Variants in PRKG1 observed in about 807,000 individuals in gnomAD.
The protein encoded by PRKG1 is protein kinase cGMP-dependent 1.
PRKG1 carries 35 observed loss-of-function variants against 88.1 expected under a neutral mutation model. The ratio of observed to expected loss-of-function variants is 0.40; its 90% CI spans 0.30 to 0.53. PRKG1 has a LOEUF of 0.53. Among genes scored for constraint, PRKG1 ranks in the 20% least tolerant of loss-of-function variants. PRKG1 has a pLI of 0.59. For missense variants in PRKG1, 540 were observed against 839.8 expected (o/e 0.64, Z 4.41); for synonymous variants, 303 against 292.5 (o/e 1.04, Z -0.37).
chr10:51,699,889 A>C (rs1422318864), intron 3 of PRKG1, among the ~76,000 whole-genome samples: 1 of 152,164 alleles, frequency 6.6e-6, no homozygotes, highest in Non-Finnish European at 1.5e-5. Flanking sequence ...CATAGACTTC[A>C]CCGTAGTAAC....
chr10:51,791,180 T>C lies in PRKG1; in HGVS notation c.593-13405T>C, dbSNP rs557557822. On this transcript the variant is annotated intron_variant, in intron 3 of 17. Coordinates refer to ENST00000373980, the MANE Select transcript of PRKG1 (RefSeq NM_006258.4). The stretch of plus-strand genomic sequence containing the variant: ...GTTAGCTTAAGATGGAAAAATAAAA[T>C]AAAGAAAAATATGAGTGTATAAATA... 2.8e-3 allele frequency among the ~76,000 whole-genome samples: 432 copies of C among 152,080 alleles called. 3 individuals carry two copies. Among genetic ancestry groups the C allele is most frequent in the South Asian group, 7.9e-3 (38 of 4,818 alleles).
At chr10:51,691,351 A>T in intron 3 of PRKG1, among the ~76,000 whole-genome samples, 1 of 143,970 alleles carries the variant, frequency 6.9e-6, no homozygotes, top group African/African-American at 2.6e-5. Context: ...TCTGTCACCC[A>T]GGCTGGAGTG....
At chr10:51,417,528 C>A (rs1838274898) in intron 2 of PRKG1, among the ~76,000 whole-genome samples, 1 of 152,136 alleles carries the variant, frequency 6.6e-6, no homozygotes, top group Non-Finnish European at 1.5e-5. Flanking sequence ...ATAAAATTCA[C>A]CACTTCTGTG....
chr10:51,588,619 G>A (rs974220574), intron 3 of PRKG1, among the ~76,000 whole-genome samples: 2 of 152,102 alleles, frequency 1.3e-5, no homozygotes, highest in Admixed American at 1.3e-4. Flanking sequence ...TTCTTCTTGG[G>A]AAAAAACAAA....
intron 9 of PRKG1, among the ~76,000 whole-genome samples, chr10:52,245,396 G>T (rs972265802): frequency 6.6e-6 from 1 of 152,036 alleles, no homozygotes; most frequent in African/African-American, 2.4e-5. Flanking sequence ...TCCCAGAAAG[G>T]CTAAGACATT....
chr10:52,279,846 A>G (rs139675138), intron 12 of PRKG1, among the ~76,000 whole-genome samples: 1 of 152,122 alleles, frequency 6.6e-6, no homozygotes, highest in East Asian at 1.9e-4. Flanking sequence ...AAATTATTAA[A>G]TTGTGCTTAC....
chr10:51,534,935 C>A (rs1842109543), intron 3 of PRKG1, among the ~76,000 whole-genome samples: 2 of 152,018 alleles, frequency 1.3e-5, no homozygotes, highest in South Asian at 4.2e-4. Flanking sequence ...CTCTGTAAAT[C>A]AATATCATGC....
chr10:51,993,598 C>T (rs184465066), intron 5 of PRKG1, among the ~76,000 whole-genome samples: 1 of 152,304 alleles, frequency 6.6e-6, no homozygotes, highest in East Asian at 1.9e-4. Context: ...TTCTGGCTCT[C>T]ACTGGGTCAT....
At chr10:52,053,299 T>C (rs1846034602) in intron 5 of PRKG1, among the ~76,000 whole-genome samples, 1 of 152,076 alleles carries the variant, frequency 6.6e-6, no homozygotes, top group African/African-American at 2.4e-5. Context: ...GCAAATTAGG[T>C]AGTATGTTAA....
intron 5 of PRKG1, among the ~76,000 whole-genome samples, chr10:52,010,768 A>G (rs1291141607): frequency 6.6e-6 from 1 of 152,178 alleles, no homozygotes; most frequent in Non-Finnish European, 1.5e-5. Context: ...ATGGCCTCCC[A>G]TTATCTGTTA....
chr10:51,560,569 CCA>C (rs1485952336), intron 3 of PRKG1, among the ~76,000 whole-genome samples: 1 of 151,848 alleles, frequency 6.6e-6, no homozygotes, highest in African/African-American at 2.4e-5. Context: ...TGCCCCATGC[CCA>C]GTTTTCCCTA....
intron 3 of PRKG1, among the ~76,000 whole-genome samples, chr10:51,730,276 G>A (rs182305908): frequency 7.1e-4 from 108 of 152,300 alleles, no homozygotes; most frequent in African/African-American, 2.5e-3. Flanking sequence ...TCAAGCCTTT[G>A]CATTGCTTTG....
intron 1 of PRKG1, among the ~76,000 whole-genome samples, chr10:51,059,758 C>T (rs915378080): frequency 3.9e-5 from 6 of 151,910 alleles, no homozygotes; most frequent in Admixed American, 3.9e-4. Flanking sequence ...AATAAATATC[C>T]CTATGCACTA....
At chr10:51,485,309 C>T (rs1390493245) in intron 3 of PRKG1, among the ~76,000 whole-genome samples, 1 of 152,148 alleles carries the variant, frequency 6.6e-6, no homozygotes, top group Non-Finnish European at 1.5e-5. Flanking sequence ...GAAGAAACTA[C>T]TTGGAATTCT....
At chr10:51,930,488 T>C (rs1342817263) in intron 5 of PRKG1, among the ~76,000 whole-genome samples, 15 of 133,788 alleles carry the variant, frequency 1.1e-4, no homozygotes, top group Non-Finnish European at 1.1e-4. Flanking sequence ...GAACCTTTTT[T>C]TTTCCTCTTT....
At chr10:51,165,635 T>C (rs1846517066) in intron 2 of PRKG1, among the ~76,000 whole-genome samples, 1 of 152,066 alleles carries the variant, frequency 6.6e-6, no homozygotes, top group African/African-American at 2.4e-5. Context: ...ATCAGTGTGC[T>C]GTATTCAGGA....
At chr10:51,637,937 A>G (rs189084663) in intron 3 of PRKG1, among the ~76,000 whole-genome samples, 59 of 152,286 alleles carry the variant, frequency 3.9e-4, no homozygotes, top group African/African-American at 1.3e-3. Context: ...TAGAAGTTGA[A>G]GACAAAAAGT....
At chr10:52,150,149 AAATAAT>A (rs67354776) in intron 8 of PRKG1, among the ~76,000 whole-genome samples, 2 of 82,400 alleles carry the variant, frequency 2.4e-5, no homozygotes, top group Admixed American at 1.3e-4. Flanking sequence ...CTCCATCTCA[AAATAAT>A]AATAATAATA....
intron 3 of PRKG1, among the ~76,000 whole-genome samples, chr10:51,684,095 A>G (rs1840922558): frequency 6.6e-6 from 1 of 152,224 alleles, no homozygotes. Flanking sequence ...TATTCATAAT[A>G]GCCTGAATGA....
Sources: allele counts gnomAD v4.1 joint callset (sites outside exome capture counted in the v4.1 genomes callset), GRCh38; gene constraint gnomAD v4.1.1; transcripts MANE v1.5; gene names NCBI Gene and HGNC (gene_info 2026-07-23, HGNC 2026-07-21).